ADAM22: variants seen among roughly 807,000 people sequenced by gnomAD.
ADAM22 encodes the protein disintegrin and metalloproteinase domain-containing protein 22.
A neutral mutation model predicts 144.6 loss-of-function variants in ADAM22; 65 were observed. The observed-to-expected ratio is 0.45, with a 90% CI of 0.37 to 0.55. The LOEUF (loss-of-function observed/expected upper bound fraction) is 0.55. Among genes scored for constraint, ADAM22 ranks in the 20% least tolerant of loss-of-function variants. ADAM22 has a pLI of 0.00. For synonymous variants in ADAM22, 391 were observed against 412.6 expected, an observed-to-expected ratio of 0.95 and a Z score of 0.63; for missense variants, 974 against 1,184.9, an observed-to-expected ratio of 0.82 and a Z score of 2.61.
chr7:88,086,725 C>T (rs1331390885), intron 4 of ADAM22, among the ~76,000 whole-genome samples: 1 of 152,128 alleles, frequency 6.6e-6, no homozygotes, highest in Non-Finnish European at 1.5e-5. Context: ...TTATGGAGAA[C>T]CATCGTTCTG....
chr7:88,170,040 A>C (rs1253031027), intron 25 of ADAM22, among the ~76,000 whole-genome samples: 1 of 152,036 alleles, frequency 6.6e-6, no homozygotes, highest in Non-Finnish European at 1.5e-5. Context: ...AATGAAAATC[A>C]CTTTTTTTCT....
At chr7:87,953,062 A>G (rs1208837135) in intron 2 of ADAM22, among the ~76,000 whole-genome samples, 3 of 151,030 alleles carry the variant, frequency 2.0e-5, no homozygotes, top group Admixed American at 1.3e-4. Flanking sequence ...GTGGTCTATC[A>G]ATTTTGTTGA....
chr7:88,158,722 T>C (rs915867744), intron 22 of ADAM22, among the ~76,000 whole-genome samples: 5 of 151,886 alleles, frequency 3.3e-5, no homozygotes, highest in Non-Finnish European at 5.9e-5. Context: ...AGAAAAAAGA[T>C]ACAAAATACA....
intron 3 of ADAM22, among the ~76,000 whole-genome samples, chr7:88,018,914 A>G (rs1273277116): frequency 6.6e-6 from 1 of 152,238 alleles, no homozygotes. Flanking sequence ...GGACAAAGGT[A>G]TTATCAGCAC....
rs1381798254 is a variant in ADAM22, at chr7:88,113,699, AATAAATATATATATATATATAT to A, written c.474-881_474-860del. On this transcript the variant is annotated intron_variant, in intron 5 of 31. Coordinates refer to ENST00000413139, the MANE Select transcript of ADAM22 (RefSeq NM_001324418.2). ...ATAATATATATATTATAAATAAATA[AATAAATATATATATATATATAT>A]ATATATATATATATATATAGTAAGT... Among the ~76,000 whole-genome samples the A allele has an allele frequency of 4.3e-4, 17 of 39,462 alleles. 1 individual carries two copies. The highest frequency in any genetic ancestry group is 1.7e-3 in the African/African-American group (15 of 8,860). The allele number at this position is 39,462 out of a possible 152,430, so 25.9% of individuals were successfully genotyped here.
At chr7:88,011,005 A>G (rs987904151) in intron 3 of ADAM22, among the ~76,000 whole-genome samples, 10 of 152,254 alleles carry the variant, frequency 6.6e-5, no homozygotes, top group African/African-American at 2.4e-4. Context: ...ATGTGATGGC[A>G]TATTAAGAGT....
chr7:87,984,036 G>C (rs1854345260), intron 3 of ADAM22, among the ~76,000 whole-genome samples: 1 of 152,084 alleles, frequency 6.6e-6, no homozygotes, highest in Non-Finnish European at 1.5e-5. Context: ...TGTCATGTTG[G>C]ATAATTCATT....
chr7:88,076,861 A>G (rs563280624), intron 4 of ADAM22, among the ~76,000 whole-genome samples: 2 of 152,358 alleles, frequency 1.3e-5, no homozygotes, highest in Admixed American at 6.5e-5. Context: ...TCTGAATTAT[A>G]ATCCCACTCG....
chr7:88,128,766 C>A, intron 9 of ADAM22, 90 bp downstream of exon 9: 1 of 996,974 alleles, frequency 1.0e-6, no homozygotes, highest in Non-Finnish European at 1.5e-6. Flanking sequence ...AGAAGCCCAT[C>A]AAGTTGTAAC....
intron 3 of ADAM22, among the ~76,000 whole-genome samples, chr7:88,013,354 C>T (rs1460305583): frequency 6.6e-6 from 1 of 152,140 alleles, no homozygotes; most frequent in Admixed American, 6.6e-5. Flanking sequence ...GACTTCTAAG[C>T]TCCTTACATG....
At chr7:87,946,871 C>A (rs1843801125) in intron 2 of ADAM22, among the ~76,000 whole-genome samples, 1 of 152,066 alleles carries the variant, frequency 6.6e-6, no homozygotes, top group South Asian at 2.1e-4. Flanking sequence ...TACTATGCAG[C>A]CTTAAAAATA....
intron 3 of ADAM22, among the ~76,000 whole-genome samples, chr7:87,986,784 A>ATTACCT (rs1788595897): frequency 6.6e-6 from 1 of 152,000 alleles, no homozygotes; most frequent in Admixed American, 6.6e-5. Context: ...TATTTTTAGT[A>ATTACCT]TTACCTGTTT....
chr7:87,989,712 T>G (rs865775323), intron 3 of ADAM22, among the ~76,000 whole-genome samples: 4 of 152,282 alleles, frequency 2.6e-5, no homozygotes, highest in Middle Eastern at 3.4e-3. Context: ...GGCCAGGAGT[T>G]TGAGACCTGC....
At chr7:88,195,675 C>T (rs1850539720) in intron 31 of ADAM22, among the ~76,000 whole-genome samples, 1 of 152,022 alleles carries the variant, frequency 6.6e-6, no homozygotes, top group African/African-American at 2.4e-5. Flanking sequence ...GCCACCACGC[C>T]CGGCTAATTT....
In ADAM22 at chr7:87,982,701, T is replaced by TATATATATATATAA. The variant is rs1554373733; in HGVS notation, c.323+4289_323+4290insATATATATATATAA. 9.9e-3 allele frequency among the ~76,000 whole-genome samples: 334 copies of TATATATATATATAA among 33,668 alleles called. 6 individuals are homozygous for TATATATATATATAA. Among genetic ancestry groups the TATATATATATATAA allele is most frequent in the East Asian group, 0.015 (12 of 814 alleles). The allele number at this position is 33,668 out of a possible 152,430, so 22.1% of individuals were successfully genotyped here. A position where few individuals can be genotyped will look rare whatever the true frequency, so the allele number is the denominator to read the frequency against. On this transcript the variant is annotated intron_variant, in intron 3 of 31. Coordinates refer to ENST00000413139, the MANE Select transcript of ADAM22 (RefSeq NM_001324418.2). The stretch of plus-strand genomic sequence containing the variant: ...TATATATATATATATATATATATAA[T>TATATATATATATAA]TTTTTTTTTTGAGATACAGTTTTGC...
chr7:88,107,136 A>G (rs983370489), intron 4 of ADAM22, among the ~76,000 whole-genome samples: 5 of 147,496 alleles, frequency 3.4e-5, no homozygotes, highest in African/African-American at 1.3e-4. Flanking sequence ...AATGATTTAT[A>G]TTCATTTTTA....
At chr7:88,157,175 T>C (rs1243980691) in intron 22 of ADAM22, among the ~76,000 whole-genome samples, 1 of 151,898 alleles carries the variant, frequency 6.6e-6, no homozygotes, top group Non-Finnish European at 1.5e-5. Flanking sequence ...AGGGAGGAAA[T>C]TTTCAATGAG....
intron 2 of ADAM22, among the ~76,000 whole-genome samples, chr7:87,963,451 C>A (rs1241419618): frequency 6.6e-6 from 1 of 152,136 alleles, no homozygotes; most frequent in African/African-American, 2.4e-5. Context: ...TTAAAAAAAA[C>A]TATTATAAAA....
chr7:88,081,292 C>G (rs1383175392), intron 4 of ADAM22, among the ~76,000 whole-genome samples: 1 of 151,998 alleles, frequency 6.6e-6, no homozygotes, highest in African/African-American at 2.4e-5. Context: ...ATTCAACAGC[C>G]CTTCATGCTA....
Sources: allele counts gnomAD v4.1 joint callset (sites outside exome capture counted in the v4.1 genomes callset), GRCh38; gene constraint gnomAD v4.1.1; transcripts MANE v1.5; gene names NCBI Gene and HGNC (gene_info 2026-07-23, HGNC 2026-07-21).